CPNE5: variants seen among roughly 807,000 people sequenced by gnomAD.
CPNE5 encodes copine 5.
In CPNE5, 42 loss-of-function variants were observed where a neutral mutation model predicts 81.1. That is an observed-to-expected ratio of 0.52 (90% CI 0.40 to 0.67). CPNE5 has a LOEUF of 0.67. CPNE5 is among the 30% of genes least tolerant of loss of function. The probability of loss-of-function intolerance (pLI) is 0.00; values close to 1 mark genes in which losing one functional copy is unlikely to be tolerated. For synonymous variants in CPNE5, 313 were observed against 321.5 expected (o/e 0.97, Z 0.28); for missense variants, 612 against 815.5 (o/e 0.75, Z 3.04).
intron 2 of CPNE5, 145 bp downstream of exon 2, chr6:36,822,913 T>G: frequency 1.7e-6 from 1 of 588,776 alleles, no homozygotes; most frequent in Non-Finnish European, 2.7e-6. Context: ...TCAGACACTA[T>G]GGGAGAAACA....
At chr6:36,764,377 TC>T (rs1166363437) in intron 11 of CPNE5, among the ~76,000 whole-genome samples, 1 of 151,886 alleles carries the variant, frequency 6.6e-6, no homozygotes, top group East Asian at 1.9e-4. Flanking sequence ...GAAGGAGAGT[TC>T]CTTGGAAGGG....
intron 1 of CPNE5, among the ~76,000 whole-genome samples, chr6:36,835,936 G>A (rs1773461761): frequency 6.6e-6 from 1 of 152,106 alleles, no homozygotes; most frequent in Non-Finnish European, 1.5e-5. Context: ...CGCTATTCAT[G>A]GATTACTTCA....
At chr6:36,767,031 T>C (rs1766620036) in intron 10 of CPNE5, among the ~76,000 whole-genome samples, 1 of 152,168 alleles carries the variant, frequency 6.6e-6, no homozygotes, top group Non-Finnish European at 1.5e-5. Flanking sequence ...ATTTTTTGTA[T>C]TTTTAGTAGA....
At chr6:36,791,978 CACTCCA>C in intron 8 of CPNE5, 49 bp downstream of exon 8, 1 of 1,483,712 alleles carries the variant, frequency 6.7e-7, no homozygotes, top group Non-Finnish European at 9.4e-7. Context: ...GGCCAGCCTG[CACTCCA>C]TCACCCCCAC....
Position 36,741,874 on chromosome 6 carries a change from A to G in CPNE5, c.*394T>C, listed in dbSNP as rs2150348501. ...GGACAGGAGTAGACACCATGGGAGG[A>G]TGGGACGGAGATGGGGGGCTGGAGG... On this transcript the variant is annotated 3_prime_UTR_variant, in exon 21 of 21. Coordinates refer to ENST00000244751, the MANE Select transcript of CPNE5 (RefSeq NM_020939.2). 5.0e-6 allele frequency: 1 copy of G among 198,070 alleles called. No homozygotes were observed. Among genetic ancestry groups the G allele is most frequent in the Non-Finnish European group, 1.0e-5 (1 of 97,552 alleles). 12.3% of individuals were successfully genotyped at this position (198,070 alleles called of 1,614,324 possible).
intron 3 of CPNE5, among the ~76,000 whole-genome samples, chr6:36,814,614 A>T (rs1354770603): frequency 6.6e-6 from 1 of 152,116 alleles, no homozygotes; most frequent in Non-Finnish European, 1.5e-5. Context: ...CAGAATGCAG[A>T]GGCCAGCAGG....
intron 1 of CPNE5, among the ~76,000 whole-genome samples, chr6:36,829,619 C>T (rs983855438): frequency 2.0e-5 from 3 of 151,914 alleles, no homozygotes; most frequent in African/African-American, 7.3e-5. Flanking sequence ...TCGAGACCAG[C>T]CTGACCAATA....
chr6:36,754,776 T>C (rs1343504724), intron 13 of CPNE5: 3 of 152,224 alleles, frequency 2.0e-5, no homozygotes, highest in Non-Finnish European at 4.4e-5. Context: ...TTTGAACCTT[T>C]TTATTCCCAG....
intron 1 of CPNE5, among the ~76,000 whole-genome samples, chr6:36,823,845 T>C (rs1388055073): frequency 6.6e-5 from 10 of 152,196 alleles, no homozygotes; most frequent in Admixed American, 5.9e-4. Flanking sequence ...CATGCTGCCC[T>C]ACAAGGTTGA....
At chr6:36,810,579 G>A (rs1457156621) in intron 3 of CPNE5, among the ~76,000 whole-genome samples, 1 of 152,210 alleles carries the variant, frequency 6.6e-6, no homozygotes, top group African/African-American at 2.4e-5. Flanking sequence ...CTGAGATCTG[G>A]GGACAGGAAA....
chr6:36,807,225 A>G (rs1770675493), intron 3 of CPNE5, among the ~76,000 whole-genome samples: 2 of 152,350 alleles, frequency 1.3e-5, no homozygotes, highest in South Asian at 4.1e-4. Context: ...ATAAAGCAGT[A>G]AAGTGAAGTC....
chr6:36,796,021 T>C lies in CPNE5; in HGVS notation c.405-1372A>G, dbSNP rs542093232. The stretch of plus-strand genomic sequence containing the variant: ...TAGAGTGCAGTGGTGTAATCTCAGC[T>C]CACTGCAACCTCCGCCTCCTGGGTT... On this transcript the variant is annotated intron_variant, in intron 6 of 20. Transcript: ENST00000244751. Among the ~76,000 whole-genome samples, 139 of 152,314 alleles carry C rather than the reference T, an allele frequency of 9.1e-4. No homozygotes were observed. In the Middle Eastern group the frequency reaches 0.017, roughly 19 times the overall value.
intron 1 of CPNE5, among the ~76,000 whole-genome samples, chr6:36,834,570 C>T (rs566274844): frequency 6.6e-5 from 10 of 151,652 alleles, no homozygotes; most frequent in Non-Finnish European, 1.0e-4. Context: ...GCAGGAGAAT[C>T]GCTTGAACCC....
intron 3 of CPNE5, among the ~76,000 whole-genome samples, chr6:36,815,171 AG>A: frequency 7.1e-6 from 1 of 140,464 alleles, no homozygotes; most frequent in South Asian, 2.5e-4. Flanking sequence ...AAAAAAAAAA[AG>A]AACAAAAAAA....
chr6:36,772,559 G>A (rs927936984), intron 10 of CPNE5, among the ~76,000 whole-genome samples: 1 of 152,220 alleles, frequency 6.6e-6, no homozygotes, highest in Non-Finnish European at 1.5e-5. Flanking sequence ...CCCTAAAGAT[G>A]GGAAGGCGAC....
chr6:36,822,262 A>C, intron 2 of CPNE5, 102 bp from the exon 3 acceptor site: 1 of 910,804 alleles, frequency 1.1e-6, no homozygotes, highest in Middle Eastern at 2.3e-4. Context: ...CAGCAGACCC[A>C]GCCTGGGTAG....
intron 12 of CPNE5, among the ~76,000 whole-genome samples, chr6:36,758,392 G>C (rs1388642898): frequency 6.6e-6 from 1 of 151,072 alleles, no homozygotes; most frequent in Non-Finnish European, 1.5e-5. Context: ...AATCCTTCCA[G>C]GTAGCTGCCA....
chr6:36,790,734 G>A (rs1769015611), intron 8 of CPNE5, among the ~76,000 whole-genome samples: 1 of 151,998 alleles, frequency 6.6e-6, no homozygotes, highest in African/African-American at 2.4e-5. Context: ...TAGTAGAGAC[G>A]GGGTTTCACC....
chr6:36,768,225 C>CTGTTTTTTTTTTTTTTTTTTT (rs1766736142), intron 10 of CPNE5, among the ~76,000 whole-genome samples: 1 of 60,496 alleles, frequency 1.7e-5, no homozygotes, highest in Admixed American at 2.3e-4. Context: ...ATTCACAGTT[C>CTGTTTTTTTTTTTTTTTTTTT]TTTTTTTTTT....
Sources: gnomAD v4.1 joint callset for allele counts (sites outside exome capture counted in the v4.1 genomes callset) on GRCh38, gnomAD v4.1.1 for gene constraint, MANE v1.5 for transcripts, NCBI Gene and HGNC (gene_info 2026-07-23, HGNC 2026-07-21) for gene names.